Variants in ADAMTS18 observed in about 807,000 individuals in gnomAD.
ADAMTS18 encodes ADAM metallopeptidase with thrombospondin type 1 motif 18.
ADAMTS18 carries 157 observed loss-of-function variants against 165.9 expected under a neutral mutation model. That is an observed-to-expected ratio of 0.95 (90% confidence interval 0.83 to 1.08). ADAMTS18 has a LOEUF of 1.08. ADAMTS18 is among the 50% of genes least tolerant of loss of function. ADAMTS18 has a pLI of 0.00. For synonymous variants in ADAMTS18, 782 were observed against 578.2 expected (o/e 1.35, Z -5.06); for missense variants, 2,040 against 1,534.0 (o/e 1.33, Z -5.51).
At chr16:77,371,620 A>C (rs995368971) in intron 3 of ADAMTS18, among the ~76,000 whole-genome samples, 9 of 152,234 alleles carry the variant, frequency 5.9e-5, no homozygotes, top group Non-Finnish European at 1.5e-5. Context: ...CCATATGTCA[A>C]AATCAACTCA....
chr16:77,411,595 G>C (rs939794504), intron 3 of ADAMTS18, among the ~76,000 whole-genome samples: 4 of 150,028 alleles, frequency 2.7e-5, no homozygotes, highest in African/African-American at 9.8e-5. Context: ...GAGGTGCAAA[G>C]TCAACTTTAC....
At chr16:77,291,182 C>G in intron 21 of ADAMTS18, 84 bp downstream of exon 21, 1 of 1,460,610 alleles carries the variant, frequency 6.8e-7, no homozygotes, top group Non-Finnish European at 9.5e-7. Context: ...CAACCATTAA[C>G]AGACTAAGAG....
intron 12 of ADAMTS18, among the ~76,000 whole-genome samples, chr16:77,328,418 C>T (rs143029081): frequency 6.6e-6 from 1 of 152,192 alleles, no homozygotes; most frequent in East Asian, 1.9e-4. Context: ...TCTAAAACAG[C>T]CCTGGAGTTG....
At chr16:77,343,352 A>C (rs2144691654) in intron 10 of ADAMTS18, among the ~76,000 whole-genome samples, 1 of 152,298 alleles carries the variant, frequency 6.6e-6, no homozygotes, top group African/African-American at 2.4e-5. Flanking sequence ...AGGATTGCTC[A>C]CATGAGCCAC....
In ADAMTS18 at chr16:77,322,459, A is replaced by C; in HGVS notation, c.2040T>G (p.Asp680Glu). ...WKPYTKVEEEDRCKLYCKAEN... is the reference protein window; with the variant it reads ...WKPYTKVEEEERCKLYCKAEN... ...CAGCCTTGCAGTACAGTTTGCATCGATCTTCCTCTAGAAACAAAGAGATCA... is the reference window on the plus strand; with the variant it reads ...CAGCCTTGCAGTACAGTTTGCATCGCTCTTCCTCTAGAAACAAAGAGATCA... Residue 680 changes from aspartate to glutamate, a missense_variant, in exon 14 of 23, where the codon GAT (aspartate) becomes GAG (glutamate). Asp to Glu is a conservative substitution (Grantham distance 45, BLOSUM62 2). Transcript: ENST00000282849. 1.2e-6 allele frequency: 2 copies of C among 1,614,070 alleles called. No homozygotes were observed.
chr16:77,314,901 A>G (rs1207857848), intron 16 of ADAMTS18, among the ~76,000 whole-genome samples: 1 of 149,324 alleles, frequency 6.7e-6, no homozygotes, highest in Non-Finnish European at 1.5e-5. Context: ...TGGCCCTAAT[A>G]ATTAGCTGGT....
intron 20 of ADAMTS18, 40 bp from the exon 21 acceptor site, chr16:77,291,518 A>G: frequency 6.3e-7 from 1 of 1,593,004 alleles, no homozygotes; most frequent in Middle Eastern, 1.7e-4. Flanking sequence ...GAAGACTGCC[A>G]GGATCACATC....
At chr16:77,378,581 G>A (rs1001264369) in intron 3 of ADAMTS18, among the ~76,000 whole-genome samples, 3 of 151,932 alleles carry the variant, frequency 2.0e-5, no homozygotes, top group African/African-American at 4.8e-5. Flanking sequence ...CAAGCATGGC[G>A]GTGTGAGCCT....
intron 10 of ADAMTS18, among the ~76,000 whole-genome samples, chr16:77,353,200 C>G (rs1597158693): frequency 6.6e-6 from 1 of 152,234 alleles, no homozygotes; most frequent in Middle Eastern, 3.4e-3. Flanking sequence ...ATTTCTATAA[C>G]CTGGACTTTT....
intron 3 of ADAMTS18, among the ~76,000 whole-genome samples, chr16:77,395,298 G>T (rs2057242122): frequency 6.6e-6 from 1 of 152,182 alleles, no homozygotes; most frequent in Non-Finnish European, 1.5e-5. Flanking sequence ...AAGGTCCTTA[G>T]GACTGGCCTC....
chr16:77,378,098 C>G (rs550311610), intron 3 of ADAMTS18, among the ~76,000 whole-genome samples: 94 of 152,218 alleles, frequency 6.2e-4, no homozygotes, highest in African/African-American at 2.1e-3. Context: ...GAGTCTAAGG[C>G]AGGAGGATCA....
At position 77,300,530 on chromosome 16, in the gene ADAMTS18, G is replaced by A. The variant is rs1044190007; in HGVS notation, c.2533-126C>T. ...GACCTTAACATTGGTATACTTCATT[G>A]TTCCCAAGTATGTTTTATGTTGACT... is the stretch of plus-strand genomic sequence containing the variant. On this transcript the variant is annotated intron_variant, in intron 16 of 22. Transcript: ENST00000282849. 20 of 1,083,292 alleles carry A rather than the reference G, an allele frequency of 1.8e-5. No homozygotes were observed. In the East Asian group the frequency reaches 3.2e-4, roughly 17 times the overall value. 67.1% of individuals were successfully genotyped at this position (1,083,292 alleles called of 1,614,324 possible).
chr16:77,313,813 C>T (rs905195999), intron 16 of ADAMTS18, among the ~76,000 whole-genome samples: 8 of 152,022 alleles, frequency 5.3e-5, no homozygotes, highest in South Asian at 2.1e-4. Flanking sequence ...ACCTTCAAGC[C>T]GAAAAAGCCC....
intron 3 of ADAMTS18, among the ~76,000 whole-genome samples, chr16:77,411,823 A>G (rs1412623786): frequency 4.6e-5 from 7 of 150,724 alleles, no homozygotes; most frequent in African/African-American, 1.7e-4. Flanking sequence ...AGTAGCTGGG[A>G]TTATAGGTGC....
At chr16:77,374,256 C>CT (rs962658371) in intron 3 of ADAMTS18, among the ~76,000 whole-genome samples, 4 of 151,500 alleles carry the variant, frequency 2.6e-5, no homozygotes, top group East Asian at 3.9e-4. Flanking sequence ...CATCCCCAGA[C>CT]TTTTTTCAGA....
At chr16:77,347,429 A>C (rs2056493939) in intron 10 of ADAMTS18, among the ~76,000 whole-genome samples, 1 of 152,178 alleles carries the variant, frequency 6.6e-6, no homozygotes, top group African/African-American at 2.4e-5. Context: ...CATCAGCAAT[A>C]TGCAGAGTTC....
intron 8 of ADAMTS18, among the ~76,000 whole-genome samples, chr16:77,358,358 C>T (rs984664430): frequency 6.6e-6 from 1 of 152,084 alleles, no homozygotes; most frequent in African/African-American, 2.4e-5. Flanking sequence ...GGCAGATCAC[C>T]TGTAGTCAGC....
Position 77,282,748 on chromosome 16 carries a change from C to A in ADAMTS18, c.*1208G>T, listed in dbSNP as rs1288190452. ...AGTGTGATGTTTTTTCAATTGAGAA[C>A]AATTTTAAACTCATTAATGCCTACC... On this transcript the variant is annotated 3_prime_UTR_variant, in exon 23 of 23. Coordinates refer to ENST00000282849, the MANE Select transcript of ADAMTS18 (RefSeq NM_199355.4). The A allele has an allele frequency of 6.6e-6, 1 of 152,450 alleles. No individual in the cohort carries two copies. 9.4% of individuals were successfully genotyped at this position (152,450 alleles called of 1,614,324 possible).
At position 77,284,051 on chromosome 16, in the gene ADAMTS18, A is replaced by C. The variant is rs757155340; in HGVS notation, c.3571T>G (p.Phe1191Val). The C allele has an allele frequency of 1.2e-6, 2 of 1,613,134 alleles. No homozygotes were observed. The highest frequency in any genetic ancestry group is 2.7e-5 in the African/African-American group (2 of 74,866). The change falls in exon 23 of 23, where the codon TTC (phenylalanine) becomes GTC (valine). Residue 1191 changes from phenylalanine to valine, a missense_variant. By Grantham distance (50) the Phe-to-Val change is conservative. Transcript: ENST00000282849. ...GGAACTAGGTGACACCAGTTGAAGA[A>C]ATCTACGCAGGATGGATCCTCTAAA... The part of the protein sequence containing the change: ...EKREDPSCVD[F>V]FNWCHLVPQH...
Sources: allele counts gnomAD v4.1 joint callset (sites outside exome capture counted in the v4.1 genomes callset), GRCh38; gene constraint gnomAD v4.1.1; transcripts MANE v1.5; gene names NCBI Gene and HGNC (gene_info 2026-07-23, HGNC 2026-07-21).